The following VWA5B1 variants were observed in gnomAD, a reference collection of about 807,000 sequenced individuals.
VWA5B1 encodes von Willebrand factor A domain-containing protein 5B1.
In VWA5B1, 115 loss-of-function variants were observed where a neutral mutation model predicts 118.2. The ratio of observed to expected loss-of-function variants is 0.97; its 90% CI spans 0.84 to 1.14. VWA5B1 has a LOEUF of 1.14. VWA5B1 is among the 50% of genes most tolerant of loss of function. The pLI is 0.00. For synonymous variants in VWA5B1, 682 were observed against 658.4 expected (o/e 1.04, Z -0.55); for missense variants, 1,596 against 1,603.8 (o/e 1.00, Z 0.08).
chr1:20,328,918 T>C (rs1395286811), intron 9 of VWA5B1, among the ~76,000 whole-genome samples: 3 of 152,258 alleles, frequency 2.0e-5, no homozygotes, highest in Non-Finnish European at 2.9e-5. Context: ...CCTTGTTCTA[T>C]GCATTTACAC....
chr1:20,327,664 ATGGTGGTGG>A (rs112567851), intron 8 of VWA5B1, among the ~76,000 whole-genome samples: 11 of 144,938 alleles, frequency 7.6e-5, no homozygotes, highest in African/African-American at 7.6e-5. Context: ...GATGATGATG[ATGGTGGTGG>A]TGGTGGTGGT....
chr1:20,306,691 C>T (rs1403546920), intron 1 of VWA5B1, among the ~76,000 whole-genome samples: 1 of 152,136 alleles, frequency 6.6e-6, no homozygotes, highest in East Asian at 1.9e-4. Context: ...GAATAATGTC[C>T]TGCCCAGAAG....
chr1:20,315,757 G>A (rs1370968733), intron 4 of VWA5B1, among the ~76,000 whole-genome samples: 4 of 152,200 alleles, frequency 2.6e-5, no homozygotes, highest in Non-Finnish European at 5.9e-5. Context: ...AAGGAGAGAG[G>A]TCAGATGGGT....
intron 1 of VWA5B1, among the ~76,000 whole-genome samples, chr1:20,295,926 G>A (rs568999055): frequency 1.8e-4 from 27 of 152,238 alleles, no homozygotes; most frequent in Middle Eastern, 3.4e-3. Context: ...GCAATGGTGC[G>A]ATCTCAGCTC....
chr1:20,300,435 C>T (rs1472744409), intron 1 of VWA5B1, among the ~76,000 whole-genome samples: 1 of 152,090 alleles, frequency 6.6e-6, no homozygotes, highest in Non-Finnish European at 1.5e-5. Flanking sequence ...GGACCCAGAG[C>T]CCAGAGGGAC....
At chr1:20,310,839 C>G (rs1052128360) in intron 2 of VWA5B1, 99 bp downstream of exon 2, 1 of 1,386,314 alleles carries the variant, frequency 7.2e-7, no homozygotes, top group African/African-American at 1.5e-5. Flanking sequence ...GCAAGTCATG[C>G]CACCCCTCCG....
chr1:20,310,906 G>A (rs987647742), intron 2 of VWA5B1, among the ~76,000 whole-genome samples, 166 bp downstream of exon 2: 1 of 152,218 alleles, frequency 6.6e-6, no homozygotes, highest in Non-Finnish European at 1.5e-5. Context: ...AGGCCTCAAA[G>A]CTAGTAGCAA....
intron 1 of VWA5B1, among the ~76,000 whole-genome samples, chr1:20,308,211 TTC>T (rs2088723415): frequency 6.6e-6 from 1 of 151,520 alleles, no homozygotes; most frequent in Non-Finnish European, 1.5e-5. Flanking sequence ...CATGGTTTTG[TTC>T]TTTTTTATAA....
Position 20,342,600 on chromosome 1 carries a change from G to A in VWA5B1, c.2302G>A (p.Gly768Arg). ...RERTSDSRSP[G>R]DLEPSHHPSA... The stretch of plus-strand genomic sequence containing the variant: ...GCGGACTTCTGACAGCCGAAGCCCT[G>A]GAGATCTGGGTAAGTGACCACAGGG... Residue 768 changes from glycine to arginine, a missense_variant, in exon 15 of 22, where the codon GGA becomes AGA. By Grantham distance (125) the Gly-to-Arg change is moderately radical. Coordinates refer to ENST00000289815, the MANE Select transcript of VWA5B1 (RefSeq NM_001039500.3). 2.0e-6 allele frequency: 3 copies of A among 1,487,816 alleles called. No individual in the cohort carries two copies. The highest frequency in any genetic ancestry group is 2.7e-6 in the Non-Finnish European group (3 of 1,119,396). 92.2% of individuals were successfully genotyped at this position (1,487,816 alleles called of 1,614,324 possible). A position where few individuals can be genotyped will look rare whatever the true frequency, so the allele number is the denominator to read the frequency against.
Position 20,354,315 on chromosome 1 carries a change from G to C in VWA5B1, c.*52G>C. On this transcript the variant is annotated 3_prime_UTR_variant, in exon 22 of 22. Transcript: ENST00000289815. Reference sequence around the variant, plus strand: ...GGAAGGGTGGGGAGGAGAGGGATGGGCAGGGCCATGTCGGCCTGGTTTCGG... The same window carrying C: ...GGAAGGGTGGGGAGGAGAGGGATGGCCAGGGCCATGTCGGCCTGGTTTCGG... 1 of 1,483,152 alleles carries C rather than the reference G, an allele frequency of 6.7e-7. No homozygotes were observed. The highest frequency in any genetic ancestry group is 9.0e-7 in the Non-Finnish European group (1 of 1,106,708). 91.9% of individuals were successfully genotyped at this position (1,483,152 alleles called of 1,614,324 possible). A position where few individuals can be genotyped will look rare whatever the true frequency, so the allele number is the denominator to read the frequency against.
chr1:20,356,279 T>A lies in VWA5B1; in HGVS notation c.*2016T>A, dbSNP rs1204353417. ...TCAGCCTAGTACTAGTTTGGGCAAG[T>A]GGTTTCTCCTCCTAGGTGCCCTGGA... On this transcript the variant is annotated 3_prime_UTR_variant, in exon 22 of 22. Transcript: ENST00000289815. Among the ~76,000 whole-genome samples the A allele has an allele frequency of 6.6e-6, 1 of 152,142 alleles. No individual in the cohort carries two copies. Among genetic ancestry groups the A allele is most frequent in the Non-Finnish European group, 1.5e-5 (1 of 68,014 alleles).
intron 21 of VWA5B1, among the ~76,000 whole-genome samples, 164 bp from the exon 22 acceptor site, chr1:20,353,593 T>C (rs923195862): frequency 6.6e-6 from 1 of 152,060 alleles, no homozygotes; most frequent in Non-Finnish European, 1.5e-5. Flanking sequence ...CTGTTTGAAG[T>C]GTCTGCAGGA....
At chr1:20,343,510 G>A in intron 16 of VWA5B1, 117 bp downstream of exon 16, 1 of 1,373,670 alleles carries the variant, frequency 7.3e-7, no homozygotes, top group Non-Finnish European at 9.3e-7. Flanking sequence ...CGCGTGGTCC[G>A]CCCACCTGCT....
At position 20,317,626 on chromosome 1, in the gene VWA5B1, G is replaced by C; in HGVS notation, c.660G>C (p.Glu220Asp). 1 of 1,551,784 alleles carries C rather than the reference G, an allele frequency of 6.4e-7. No individual in the cohort carries two copies. The highest frequency in any genetic ancestry group is 8.7e-7 in the Non-Finnish European group (1 of 1,146,974). The change falls in exon 5 of 22, where the codon GAG becomes GAC. Residue 220 changes from glutamate (E) to aspartate (D), a missense_variant. Coordinates refer to ENST00000289815, the MANE Select transcript of VWA5B1 (RefSeq NM_001039500.3). ...ACACCGAAGTGTCCAACCCCATGGAGTATGAGTTCAACTTCCAGCTGGAGA... is the reference window on the plus strand; with the variant it reads ...ACACCGAAGTGTCCAACCCCATGGACTATGAGTTCAACTTCCAGCTGGAGA... ...LLNTEVSNPM[E>D]YEFNFQLEIR...
In VWA5B1 at chr1:20,350,232, TGA is replaced by T. The variant is rs1223944880; in HGVS notation, c.2953+4_2953+5del. The T allele has an allele frequency of 1.3e-6, 2 of 1,550,916 alleles. No individual in the cohort carries two copies. The highest frequency in any genetic ancestry group is 3.9e-5 in the Admixed American group (2 of 51,004). On this transcript the variant is annotated splice_donor_region_variant and intron_variant, in intron 19 of 21. Transcript: ENST00000289815. ...GCGAGAAGCACGGTGCTTCTGAAGG[TGA>T]GTGGGCAGGTGGCGCTGCCTCTTCA...
At chr1:20,334,190 A>C (rs2089650435) in intron 12 of VWA5B1, among the ~76,000 whole-genome samples, 1 of 152,192 alleles carries the variant, frequency 6.6e-6, no homozygotes, top group Non-Finnish European at 1.5e-5. Flanking sequence ...AATGTTATGA[A>C]ATGTTTTCAG....
At chr1:20,353,365 G>A (rs2090167088) in intron 21 of VWA5B1, among the ~76,000 whole-genome samples, 1 of 152,106 alleles carries the variant, frequency 6.6e-6, no homozygotes, top group Non-Finnish European at 1.5e-5. Flanking sequence ...AGAGGAGGCA[G>A]GAATAACATG....
At chr1:20,350,032 G>A in intron 18 of VWA5B1, 124 bp from the exon 19 acceptor site, 1 of 946,750 alleles carries the variant, frequency 1.1e-6, no homozygotes, top group South Asian at 1.5e-5. Flanking sequence ...AGCAGGGGTG[G>A]AAACCCTAGC....
intron 1 of VWA5B1, among the ~76,000 whole-genome samples, chr1:20,297,186 A>G (rs964035545): frequency 2.6e-5 from 4 of 152,224 alleles, no homozygotes; most frequent in Admixed American, 2.6e-4. Flanking sequence ...TCCTGGGACC[A>G]TCACCTTTGC....
Sources: gnomAD v4.1 joint callset for allele counts (sites outside exome capture counted in the v4.1 genomes callset) on GRCh38, gnomAD v4.1.1 for gene constraint, MANE v1.5 for transcripts, NCBI Gene and HGNC (gene_info 2026-07-23, HGNC 2026-07-21) for gene names.